Variants in RUNDC3B observed in about 807,000 individuals in gnomAD.
RUNDC3B encodes RUN domain-containing protein 3B.
A neutral mutation model predicts 58.4 loss-of-function variants in RUNDC3B; 33 were observed. The ratio of observed to expected loss-of-function variants is 0.56; its 90% CI spans 0.43 to 0.75. The LOEUF is 0.75. Among genes scored for constraint, RUNDC3B ranks in the 30% least tolerant of loss-of-function variants. The pLI is 0.00. For missense variants in RUNDC3B, 501 were observed against 535.7 expected, an observed-to-expected ratio of 0.94 and a Z score of 0.64; for synonymous variants, 193 against 195.2, an observed-to-expected ratio of 0.99 and a Z score of 0.10.
chr7:87,802,391 T>C (rs1295453787), intron 8 of RUNDC3B, among the ~76,000 whole-genome samples: 1 of 151,376 alleles, frequency 6.6e-6, no homozygotes, highest in Non-Finnish European at 1.5e-5. Context: ...CAACCCTGTC[T>C]CAAAAAAAAT....
intron 6 of RUNDC3B, among the ~76,000 whole-genome samples, chr7:87,748,999 T>G (rs1832809356): frequency 6.6e-6 from 1 of 152,194 alleles, no homozygotes; most frequent in African/African-American, 2.4e-5. Context: ...GTCTGTATTT[T>G]ACAAATGAGA....
In RUNDC3B at chr7:87,674,215, G is replaced by A. The variant is rs78683675; in HGVS notation, c.238+23278G>A. Reference sequence around the variant, plus strand: ...GTGCCAGCATCTGCAGAAGTATAGCGAGGTACACCCTCATTGGCTGGGGCA... The same window carrying A: ...GTGCCAGCATCTGCAGAAGTATAGCAAGGTACACCCTCATTGGCTGGGGCA... On this transcript the variant is annotated intron_variant, in intron 2 of 10. Coordinates refer to ENST00000394654, the MANE Select transcript of RUNDC3B (RefSeq NM_001134405.2). Among the ~76,000 whole-genome samples the A allele has an allele frequency of 2.0e-4, 31 of 152,294 alleles. No individual in the cohort carries two copies. In the East Asian group the frequency reaches 5.2e-3, roughly 26 times the overall value.
At chr7:87,698,307 AGCC>A (rs966164025) in intron 2 of RUNDC3B, among the ~76,000 whole-genome samples, 30 of 152,080 alleles carry the variant, frequency 2.0e-4, no homozygotes, top group Admixed American at 1.3e-4. Context: ...TCACCGTGTT[AGCC>A]AGGATGGTCT....
intron 1 of RUNDC3B, 170 bp downstream of exon 1, chr7:87,629,115 T>G: frequency 1.9e-6 from 1 of 534,560 alleles, no homozygotes; most frequent in Non-Finnish European, 2.9e-6. Flanking sequence ...GGGGCCCGGG[T>G]CTGGACACCG....
At chr7:87,667,207 TG>T (rs1173483839) in intron 2 of RUNDC3B, among the ~76,000 whole-genome samples, 2 of 152,248 alleles carry the variant, frequency 1.3e-5, no homozygotes, top group East Asian at 3.9e-4. Context: ...TTCACCTCCC[TG>T]GGTAGCTGTA....
At chr7:87,775,417 A>G (rs908821361) in intron 7 of RUNDC3B, among the ~76,000 whole-genome samples, 3 of 152,262 alleles carry the variant, frequency 2.0e-5, no homozygotes, top group Non-Finnish European at 4.4e-5. Flanking sequence ...TTATTACAAA[A>G]GAGTCAAAAA....
chr7:87,824,621 G>A (rs1391402356), intron 10 of RUNDC3B, among the ~76,000 whole-genome samples: 1 of 152,194 alleles, frequency 6.6e-6, no homozygotes, highest in South Asian at 2.1e-4. Context: ...GCAGAGGTTG[G>A]AACAGTTTGG....
intron 2 of RUNDC3B, among the ~76,000 whole-genome samples, chr7:87,684,746 C>CAAAAAAAAAAAAAAAA (rs71524694): frequency 2.4e-4 from 9 of 37,784 alleles, no homozygotes; most frequent in African/African-American, 3.6e-4. Context: ...GACTCCGTCT[C>CAAAAAAAAAAAAAAAA]AAAAAAAAAA....
intron 2 of RUNDC3B, among the ~76,000 whole-genome samples, chr7:87,677,768 G>T (rs1585076260): frequency 6.6e-6 from 1 of 152,092 alleles, no homozygotes; most frequent in Non-Finnish European, 1.5e-5. Flanking sequence ...AAACATAGAA[G>T]ATTACAGCAA....
At chr7:87,768,152 A>G (rs1324243602) in intron 6 of RUNDC3B, among the ~76,000 whole-genome samples, 1 of 152,150 alleles carries the variant, frequency 6.6e-6, no homozygotes, top group Non-Finnish European at 1.5e-5. Flanking sequence ...CTAGTAGGAA[A>G]AGCCTTCGCT....
At chr7:87,766,199 G>A (rs1372503180) in intron 6 of RUNDC3B, among the ~76,000 whole-genome samples, 1 of 152,008 alleles carries the variant, frequency 6.6e-6, no homozygotes, top group African/African-American at 2.4e-5. Context: ...CTGTTAGGTG[G>A]GTCTTCGAAG....
At chr7:87,752,936 C>T (rs1366327454) in intron 6 of RUNDC3B, among the ~76,000 whole-genome samples, 1 of 151,090 alleles carries the variant, frequency 6.6e-6, no homozygotes, top group Non-Finnish European at 1.5e-5. Context: ...TGTGTTTGCT[C>T]TTGCTTTTCT....
At chr7:87,640,926 T>C (rs989049069) in intron 1 of RUNDC3B, among the ~76,000 whole-genome samples, 1 of 152,204 alleles carries the variant, frequency 6.6e-6, no homozygotes, top group Admixed American at 6.5e-5. Flanking sequence ...TTTTTACCTA[T>C]GTACTTCATT....
At chr7:87,660,595 A>G (rs2130446297) in intron 2 of RUNDC3B, among the ~76,000 whole-genome samples, 1 of 152,056 alleles carries the variant, frequency 6.6e-6, no homozygotes, top group African/African-American at 2.4e-5. Context: ...AGTCTTTCAA[A>G]TAACTAATTT....
At chr7:87,706,930 T>C (rs758618841) in intron 3 of RUNDC3B, among the ~76,000 whole-genome samples, 35 of 152,294 alleles carry the variant, frequency 2.3e-4, no homozygotes, top group Non-Finnish European at 4.7e-4. Flanking sequence ...TCTGGAGAGA[T>C]AGAGGTTAGA....
Position 87,807,370 on chromosome 7 carries a change from C to T in RUNDC3B, c.957-3C>T, listed in dbSNP as rs1226140223. ...AAAGCACTCACCATCTTAATATTCA[C>T]AGGACTGTGCTAAAGAATAATGATT... On this transcript the variant is annotated splice_region_variant and splice_polypyrimidine_tract_variant and intron_variant, in intron 8 of 10. Coordinates refer to ENST00000394654, the MANE Select transcript of RUNDC3B (RefSeq NM_001134405.2). The T allele has an allele frequency of 6.2e-7, 1 of 1,613,300 alleles. No individual in the cohort carries two copies. The highest frequency in any genetic ancestry group is 2.2e-5 in the East Asian group (1 of 44,876).
At chr7:87,654,471 A>G (rs891289905) in intron 2 of RUNDC3B, among the ~76,000 whole-genome samples, 1 of 152,138 alleles carries the variant, frequency 6.6e-6, no homozygotes, top group African/African-American at 2.4e-5. Context: ...GCCAAAACAC[A>G]CACTAGGGAA....
At chr7:87,711,331 AAT>A (rs1041027773) in intron 4 of RUNDC3B, among the ~76,000 whole-genome samples, 4 of 151,504 alleles carry the variant, frequency 2.6e-5, no homozygotes, top group African/African-American at 7.3e-5. Flanking sequence ...TGTCTCAAAA[AAT>A]ATATATATAT....
At chr7:87,826,348 C>T (rs1340633928) in intron 10 of RUNDC3B, among the ~76,000 whole-genome samples, 1 of 151,684 alleles carries the variant, frequency 6.6e-6, no homozygotes, top group Non-Finnish European at 1.5e-5. Flanking sequence ...GTGAGATGTG[C>T]CTTTCACCTT....
Sources: gnomAD v4.1 joint callset for allele counts (sites outside exome capture counted in the v4.1 genomes callset) on GRCh38, gnomAD v4.1.1 for gene constraint, MANE v1.5 for transcripts, NCBI Gene and HGNC (gene_info 2026-07-23, HGNC 2026-07-21) for gene names.